Variants in ZNF536 observed in about 807,000 individuals in gnomAD.
ZNF536 encodes zinc finger protein 536.
A neutral mutation model predicts 84.5 loss-of-function variants in ZNF536; 13 were observed. That is an observed-to-expected ratio of 0.15 (90% CI 0.10 to 0.24). The LOEUF (loss-of-function observed/expected upper bound fraction) is 0.24. Among genes scored for constraint, ZNF536 ranks in the 10% least tolerant of loss-of-function variants. ZNF536 has a pLI of 1.00. For synonymous variants in ZNF536, 811 were observed against 742.5 expected (o/e 1.09, Z -1.50); for missense variants, 1,536 against 1,747.5 (o/e 0.88, Z 2.16).
chr19:30,427,257 G>A (rs2051255039), intron 1 of ZNF536, among the ~76,000 whole-genome samples: 1 of 152,234 alleles, frequency 6.6e-6, no homozygotes, highest in Admixed American at 6.5e-5. Flanking sequence ...TGCAAGGACA[G>A]AAGGTGTGGA....
At chr19:30,280,230 A>C (rs2045391746) in intron 1 of ZNF536, among the ~76,000 whole-genome samples, 1 of 148,932 alleles carries the variant, frequency 6.7e-6, no homozygotes, top group Non-Finnish European at 1.5e-5. Flanking sequence ...CCACCTTCAG[A>C]CCCTCTCTTT....
At chr19:30,358,497 C>T (rs2048168676) in intron 3 of ZNF536, among the ~76,000 whole-genome samples, 3 of 152,244 alleles carry the variant, frequency 2.0e-5, no homozygotes, top group South Asian at 4.1e-4. Flanking sequence ...TAGGGCCGTT[C>T]CTGGCCCACT....
chr19:30,658,756 C>G (rs868616658), intron 1 of ZNF536, among the ~76,000 whole-genome samples: 67 of 152,142 alleles, frequency 4.4e-4, no homozygotes, highest in African/African-American at 1.6e-3. Flanking sequence ...ATTGAAAACT[C>G]TAACCAGTCA....
intron 1 of ZNF536, among the ~76,000 whole-genome samples, chr19:30,607,389 A>G (rs2047938781): frequency 6.6e-6 from 1 of 151,922 alleles, no homozygotes; most frequent in African/African-American, 2.4e-5. Context: ...TTTGTTCATC[A>G]ATAGCTTTCT....
intron 1 of ZNF536, among the ~76,000 whole-genome samples, chr19:30,381,398 A>G (rs534830323): frequency 6.6e-6 from 1 of 152,306 alleles, no homozygotes; most frequent in South Asian, 2.1e-4. Flanking sequence ...CCACTGGAAA[A>G]AAGTGGAATG....
chr19:30,261,995 C>T (rs1471817316), intron 1 of ZNF536, among the ~76,000 whole-genome samples: 3 of 152,158 alleles, frequency 2.0e-5, no homozygotes, highest in Non-Finnish European at 4.4e-5. Context: ...GGTGGGTGCA[C>T]TTCTGCGTCT....
chr19:30,613,721 C>T (rs373378358), intron 1 of ZNF536, among the ~76,000 whole-genome samples: 25 of 152,150 alleles, frequency 1.6e-4, no homozygotes, highest in African/African-American at 5.8e-4. Context: ...TTCTCTTACT[C>T]CAAACTCAGC....
At position 30,443,909 on chromosome 19, in the gene ZNF536, A is replaced by G. The variant is rs1490177110; in HGVS notation, c.347A>G (p.Gln116Arg). 4.3e-6 allele frequency: 7 copies of G among 1,613,706 alleles called. No homozygotes were observed. Among genetic ancestry groups the G allele is most frequent in the Non-Finnish European group, 5.9e-6 (7 of 1,180,022 alleles). The stretch of plus-strand genomic sequence containing the variant: ...GGGCAGAACCTGGGCATCATGTCCC[A>G]GATGAGCGACATCGAGGACGACGCC... The part of the protein sequence containing the change: ...LNGQNLGIMS[Q>R]MSDIEDDARK... The change falls in exon 2 of 5, where the codon CAG (glutamine) becomes CGG (arginine). Residue 116 changes from glutamine (Q) to arginine (R), a missense_variant. Gln to Arg is a conservative substitution (Grantham distance 43). Coordinates refer to ENST00000355537, the MANE Select transcript of ZNF536 (RefSeq NM_014717.3).
At chr19:30,474,496 G>T (rs1164620556) in intron 2 of ZNF536, among the ~76,000 whole-genome samples, 1 of 152,106 alleles carries the variant, frequency 6.6e-6, no homozygotes, top group Non-Finnish European at 1.5e-5. Context: ...TGGACCTCCT[G>T]GGTCCCAGAC....
chr19:30,668,062 G>A (rs890378161), intron 1 of ZNF536, among the ~76,000 whole-genome samples: 1 of 152,072 alleles, frequency 6.6e-6, no homozygotes, highest in Non-Finnish European at 1.5e-5. Context: ...AAAATAACTG[G>A]AGTGCCCTTC....
intron 1 of ZNF536, among the ~76,000 whole-genome samples, chr19:30,631,464 G>T (rs2048886808): frequency 6.6e-6 from 1 of 152,218 alleles, no homozygotes; most frequent in Admixed American, 6.5e-5. Context: ...AAACGGGTTG[G>T]CTTTCCAGAG....
At chr19:30,378,507 G>GTTGGCCAGT (rs2048898591) in intron 1 of ZNF536, among the ~76,000 whole-genome samples, 1 of 152,148 alleles carries the variant, frequency 6.6e-6, no homozygotes, top group Non-Finnish European at 1.5e-5. Context: ...GGTTGGCCAG[G>GTTGGCCAGT]TTGGTCTCGA....
At chr19:30,530,082 G>C (rs1055223964) in intron 2 of ZNF536, among the ~76,000 whole-genome samples, 1 of 152,120 alleles carries the variant, frequency 6.6e-6, no homozygotes, top group Non-Finnish European at 1.5e-5. Context: ...CAGTCTCTAG[G>C]AGCTGGCAGG....
chr19:30,543,204 C>T (rs988298775), intron 3 of ZNF536, among the ~76,000 whole-genome samples: 1 of 152,208 alleles, frequency 6.6e-6, no homozygotes, highest in Non-Finnish European at 1.5e-5. Flanking sequence ...GTTTTGCATA[C>T]TCATCTGATC....
At chr19:30,356,449 A>G (rs1248691005) in intron 3 of ZNF536, among the ~76,000 whole-genome samples, 1 of 152,188 alleles carries the variant, frequency 6.6e-6, no homozygotes, top group Non-Finnish European at 1.5e-5. Context: ...TGCAGCAGTA[A>G]TTACCTTAGT....
chr19:30,337,969 G>C (rs1304863946), intron 2 of ZNF536, among the ~76,000 whole-genome samples: 1 of 151,890 alleles, frequency 6.6e-6, no homozygotes, highest in Non-Finnish European at 1.5e-5. Context: ...TGATGGTGAT[G>C]ATTGTGATTA....
intron 2 of ZNF536, among the ~76,000 whole-genome samples, chr19:30,452,844 C>A (rs1205283590): frequency 6.6e-6 from 1 of 152,100 alleles, no homozygotes; most frequent in African/African-American, 2.4e-5. Flanking sequence ...CTTCGTCTTC[C>A]TCTCCTCTGT....
intron 2 of ZNF536, among the ~76,000 whole-genome samples, chr19:30,463,398 T>C (rs1330816035): frequency 6.6e-6 from 1 of 152,106 alleles, no homozygotes; most frequent in Non-Finnish European, 1.5e-5. Flanking sequence ...TGCCTTCCAG[T>C]ATGCAGCTGT....
intron 1 of ZNF536, among the ~76,000 whole-genome samples, chr19:30,612,645 T>A (rs1355571155): frequency 3.3e-5 from 5 of 152,254 alleles, no homozygotes; most frequent in African/African-American, 9.6e-5. Flanking sequence ...GAACATTTTT[T>A]AAAATGTACC....
Sources: allele counts gnomAD v4.1 joint callset (sites outside exome capture counted in the v4.1 genomes callset), GRCh38; gene constraint gnomAD v4.1.1; transcripts MANE v1.5; gene names NCBI Gene and HGNC (gene_info 2026-07-23, HGNC 2026-07-21).